The following TAF1 variants were observed in gnomAD, a reference collection of about 807,000 sequenced individuals.
The protein encoded by TAF1 is TATA-box binding protein associated factor 1.
TAF1 carries 2 observed loss-of-function variants against 138.5 expected under a neutral mutation model. The ratio of observed to expected loss-of-function variants is 0.01; its 90% confidence interval spans 0.01 to 0.05. TAF1 has a LOEUF of 0.05. Ranked by LOEUF, TAF1 falls within the 10% of genes least tolerant of loss-of-function variation. The pLI is 1.00. For missense variants in TAF1, 709 were observed against 1,478.0 expected, an observed-to-expected ratio of 0.48 and a Z score of 8.53; for synonymous variants, 437 against 503.2, an observed-to-expected ratio of 0.87 and a Z score of 1.76.
chrX:71,517,126 G>C (rs754154762), intron 13 of TAF1, among the ~76,000 whole-genome samples: 1 of 110,674 alleles, frequency 9.0e-6, no homozygotes, highest in Non-Finnish European at 1.9e-5. Flanking sequence ...TGCTGACTTC[G>C]AAGAGGGAGG....
At chrX:71,529,995 G>T in exon 15 of TAF1, 1 of 179,189 alleles carries the variant, frequency 5.6e-6, no homozygotes, top group Non-Finnish European at 1.1e-5. Flanking sequence ...GCAGAAAGCT[G>T]CCTTTTTCAA....
At chrX:71,448,466 G>T (rs1215268382) in intron 32 of TAF1, among the ~76,000 whole-genome samples, 1 of 112,093 alleles carries the variant, frequency 8.9e-6, no homozygotes, top group African/African-American at 3.2e-5. Flanking sequence ...ACAGAATTTT[G>T]TTTATAGTTC....
intron 4 of TAF1, 116 bp downstream of exon 4, chrX:71,375,402 A>G: frequency 1.0e-6 from 1 of 979,705 alleles, no homozygotes; most frequent in African/African-American, 1.9e-5. Context: ...AAACTTCTAG[A>G]AATAATTCAT....
intron 13 of TAF1, among the ~76,000 whole-genome samples, chrX:71,507,215 T>C (rs1375616139): frequency 1.8e-5 from 2 of 111,718 alleles, no homozygotes; most frequent in South Asian, 3.7e-4. Context: ...ATGGTTAATC[T>C]TATGTTTTAT....
At chrX:71,410,692 C>CAA in intron 28 of TAF1, among the ~76,000 whole-genome samples, 2 of 110,291 alleles carry the variant, frequency 1.8e-5, no homozygotes, top group Non-Finnish European at 3.8e-5. Flanking sequence ...CTCCTGACCT[C>CAA]GTGATCCACT....
chrX:71,496,860 G>T (rs1384909411), intron 13 of TAF1, among the ~76,000 whole-genome samples: 1 of 111,633 alleles, frequency 9.0e-6, no homozygotes, highest in Non-Finnish European at 1.9e-5. Context: ...AGCAGTGTAA[G>T]ACTGCCACCT....
At chrX:71,385,193 G>C in intron 14 of TAF1, 144 bp downstream of exon 14, 1 of 453,392 alleles carries the variant, frequency 2.2e-6, no homozygotes. Flanking sequence ...ATCCAAAAAT[G>C]TTTTAAAGAA....
At chrX:71,482,867 G>A (rs993885751) in intron 13 of TAF1, among the ~76,000 whole-genome samples, 10 of 112,351 alleles carry the variant, frequency 8.9e-5, no homozygotes, top group South Asian at 7.4e-4. Context: ...GTCAATCCTC[G>A]CCAGCTCTGC....
intron 28 of TAF1, among the ~76,000 whole-genome samples, chrX:71,409,830 A>T (rs763195764): frequency 1.2e-4 from 13 of 111,044 alleles, no homozygotes; most frequent in Non-Finnish European, 2.5e-4. Context: ...TTGCTCTCTC[A>T]GTCTTTGCTC....
At chrX:71,466,954 G>A (rs376984914), downstream of TAF1, among the ~76,000 whole-genome samples, 15 of 109,623 alleles carry the variant, frequency 1.4e-4, no homozygotes, top group South Asian at 1.2e-3. Context: ...AGAATCCGTG[G>A]TGAGAGGAAA....
At chrX:71,437,456 C>T (rs2037199331) in intron 32 of TAF1, among the ~76,000 whole-genome samples, 1 of 109,218 alleles carries the variant, frequency 9.2e-6, no homozygotes, top group African/African-American at 3.3e-5. Context: ...CAACAGTAAT[C>T]CCAGCACTTT....
rs57375570 is a variant in TAF1, at chrX:71,465,758, G to T, written c.*1712G>T. The stretch of plus-strand genomic sequence containing the variant: ...GAAGAATCATGTAACATATGTGATC[G>T]CATTTTTGTAAAAGAACCATGTGTG... On this transcript the variant is annotated 3_prime_UTR_variant, in exon 38 of 38. Transcript: ENST00000423759. The T allele has an allele frequency of 9.0e-6, 1 of 111,516 alleles. No homozygotes were observed. The highest frequency in any genetic ancestry group is 1.9e-5 in the Non-Finnish European group (1 of 53,139). 9.2% of individuals were successfully genotyped at this position (111,516 alleles called of 1,213,427 possible).
At chrX:71,481,877 G>A (rs757143382) in intron 13 of TAF1, among the ~76,000 whole-genome samples, 2 of 112,209 alleles carry the variant, frequency 1.8e-5, no homozygotes, top group Admixed American at 1.9e-4. Context: ...TTTTAAGTAG[G>A]AAAATGACAT....
At chrX:71,432,652 G>T (rs959356653) in intron 32 of TAF1, among the ~76,000 whole-genome samples, 1 of 110,442 alleles carries the variant, frequency 9.1e-6, no homozygotes, top group African/African-American at 3.3e-5. Context: ...TGGGAATTGA[G>T]GGTATTAGCA....
At chrX:71,408,606 C>T (rs1057308071) in intron 28 of TAF1, among the ~76,000 whole-genome samples, 5 of 111,981 alleles carry the variant, frequency 4.5e-5, no homozygotes, top group Non-Finnish European at 7.5e-5. Flanking sequence ...TGCGCCCGGC[C>T]TAATGTCACT....
chrX:71,520,175 G>A (rs1399639447), intron 13 of TAF1, among the ~76,000 whole-genome samples: 2 of 104,454 alleles, frequency 1.9e-5, no homozygotes, highest in Non-Finnish European at 3.9e-5. Flanking sequence ...ATGGAGTCTC[G>A]CTCTGTTGCC....
At chrX:71,366,585 C>A in intron 1 of TAF1, 91 bp downstream of exon 1, 4 of 934,753 alleles carry the variant, frequency 4.3e-6, no homozygotes, top group Non-Finnish European at 5.8e-6. Context: ...GCTCAGGCAG[C>A]GAGAACAGGG....
intron 32 of TAF1, among the ~76,000 whole-genome samples, chrX:71,429,450 A>G (rs1212368930): frequency 2.7e-5 from 3 of 111,475 alleles, no homozygotes; most frequent in Non-Finnish European, 5.6e-5. Flanking sequence ...ATGCAAAAGT[A>G]GATGAAGGTG....
At chrX:71,441,373 T>A (rs1033222452) in intron 32 of TAF1, among the ~76,000 whole-genome samples, 11 of 111,705 alleles carry the variant, frequency 9.8e-5, no homozygotes, top group African/African-American at 3.2e-4. Flanking sequence ...GAAATTTTTT[T>A]AATTTCTTAT....
Sources: gnomAD v4.1 joint callset for allele counts (sites outside exome capture counted in the v4.1 genomes callset) on GRCh38, gnomAD v4.1.1 for gene constraint, MANE v1.5 for transcripts, NCBI Gene and HGNC (gene_info 2026-07-23, HGNC 2026-07-21) for gene names.